The following PLPP1 variants were observed in gnomAD, a reference collection of about 807,000 sequenced individuals.
PLPP1 encodes lipid phosphate phosphohydrolase 1a.
A neutral mutation model predicts 31.2 loss-of-function variants in PLPP1; 24 were observed. The observed-to-expected ratio is 0.77, with a 90% CI of 0.56 to 1.08. The LOEUF is 1.08. Among genes scored for constraint, PLPP1 ranks in the 50% least tolerant of loss-of-function variants. The pLI, the probability that PLPP1 is intolerant of heterozygous loss-of-function variation, is 0.00. For synonymous variants in PLPP1, 146 were observed against 126.3 expected (o/e 1.16, Z -1.05); for missense variants, 319 against 342.7 (o/e 0.93, Z 0.55).
At chr5:55,521,174 G>T (rs112713610) in intron 1 of PLPP1, among the ~76,000 whole-genome samples, 13 of 152,122 alleles carry the variant, frequency 8.5e-5, no homozygotes, top group African/African-American at 3.1e-4. Context: ...CCAACATGGT[G>T]AAACTCTGTC....
At chr5:55,451,847 C>T (rs1459345163) in intron 3 of PLPP1, among the ~76,000 whole-genome samples, 1 of 152,168 alleles carries the variant, frequency 6.6e-6, no homozygotes, top group African/African-American at 2.4e-5. Flanking sequence ...AGGCATGAGC[C>T]ACTTACCCAA....
chr5:55,442,600 C>T (rs1019648371), intron 3 of PLPP1, among the ~76,000 whole-genome samples: 2 of 149,824 alleles, frequency 1.3e-5, no homozygotes, highest in African/African-American at 2.5e-5. Context: ...TGCAGTGGGC[C>T]GAGATCGCAC....
chr5:55,442,700 A>G (rs1379831634), intron 3 of PLPP1, among the ~76,000 whole-genome samples: 1 of 151,904 alleles, frequency 6.6e-6, no homozygotes, highest in Non-Finnish European at 1.5e-5. Context: ...CTTGCCTTAC[A>G]TTTCCCACCA....
intron 3 of PLPP1, among the ~76,000 whole-genome samples, chr5:55,450,233 A>C (rs1751863473): frequency 6.6e-6 from 1 of 152,196 alleles, no homozygotes. Context: ...CTCCACAGCC[A>C]CTAACATCTG....
chr5:55,474,689 A>C (rs924578647), intron 2 of PLPP1, among the ~76,000 whole-genome samples: 1 of 152,152 alleles, frequency 6.6e-6, no homozygotes, highest in Non-Finnish European at 1.5e-5. Context: ...ACTTAGCAAA[A>C]TTTTTCTTTT....
intron 1 of PLPP1, among the ~76,000 whole-genome samples, chr5:55,534,291 GCAAA>G (rs1446140752): frequency 6.6e-6 from 1 of 152,172 alleles, no homozygotes; most frequent in Non-Finnish European, 1.5e-5. Context: ...GAGTGGAACT[GCAAA>G]CAGAGGACAG....
At chr5:55,439,209 G>T (rs957837009) in intron 4 of PLPP1, among the ~76,000 whole-genome samples, 3 of 152,220 alleles carry the variant, frequency 2.0e-5, no homozygotes, top group East Asian at 3.9e-4. Flanking sequence ...ACCTAATTTG[G>T]TAAGTAAGCA....
intron 1 of PLPP1, among the ~76,000 whole-genome samples, chr5:55,521,227 C>G (rs1753658944): frequency 6.6e-6 from 1 of 152,078 alleles, no homozygotes; most frequent in South Asian, 2.1e-4. Flanking sequence ...GTGGCACATA[C>G]CTGTAATCCC....
intron 1 of PLPP1, among the ~76,000 whole-genome samples, chr5:55,527,119 G>A (rs1168561702): frequency 1.3e-5 from 2 of 152,016 alleles, no homozygotes; most frequent in African/African-American, 4.8e-5. Context: ...GAAAAGGGAA[G>A]GCACAAAATG....
Position 55,496,498 on chromosome 5 carries a change from T to C in PLPP1, c.59-21048A>G, listed in dbSNP as rs56924917. On this transcript the variant is annotated intron_variant, in intron 1 of 5. Coordinates refer to ENST00000307259, the MANE Select transcript of PLPP1 (RefSeq NM_003711.4). Reference sequence around the variant, plus strand: ...TCCTTCTCTTTGCACTTCAGGTCTATGGGGCAATATTCCCATCCTCTCTGT... The same window carrying C: ...TCCTTCTCTTTGCACTTCAGGTCTACGGGGCAATATTCCCATCCTCTCTGT... Among the ~76,000 whole-genome samples, 264 of 152,328 alleles carry C rather than the reference T, an allele frequency of 1.7e-3. 1 individual carries two copies. The highest frequency in any genetic ancestry group is 5.9e-3 in the African/African-American group (246 of 41,580).
intron 2 of PLPP1, among the ~76,000 whole-genome samples, chr5:55,472,658 G>GAT (rs1561236440): frequency 2.8e-5 from 1 of 35,786 alleles, no homozygotes; most frequent in East Asian, 4.0e-4. Flanking sequence ...AAGAAAGAAA[G>GAT]AGAGAGAGAG....
At chr5:55,464,547 T>C (rs1366891206) in intron 3 of PLPP1, among the ~76,000 whole-genome samples, 1 of 152,226 alleles carries the variant, frequency 6.6e-6, no homozygotes, top group African/African-American at 2.4e-5. Context: ...AGAACAGCTT[T>C]ATTTTTAATA....
intron 1 of PLPP1, among the ~76,000 whole-genome samples, chr5:55,510,096 C>T (rs1282870462): frequency 6.6e-6 from 1 of 152,112 alleles, no homozygotes. Flanking sequence ...GAAGCTATAA[C>T]TTAATAACTT....
chr5:55,463,846 T>A (rs189190217), intron 3 of PLPP1, among the ~76,000 whole-genome samples: 117 of 150,722 alleles, frequency 7.8e-4, no homozygotes, highest in African/African-American at 2.7e-3. Context: ...AGAAAATACA[T>A]AGCAAGCCAC....
intron 1 of PLPP1, among the ~76,000 whole-genome samples, chr5:55,499,098 C>G (rs1753064320): frequency 6.6e-6 from 1 of 152,300 alleles, no homozygotes; most frequent in South Asian, 2.1e-4. Flanking sequence ...AAAGGAGATG[C>G]TGAAGAGTAA....
intron 1 of PLPP1, among the ~76,000 whole-genome samples, chr5:55,524,850 T>C (rs1294689103): frequency 6.6e-6 from 1 of 152,202 alleles, no homozygotes; most frequent in Non-Finnish European, 1.5e-5. Flanking sequence ...CTCTACTTTT[T>C]TATAAGTGGA....
intron 4 of PLPP1, among the ~76,000 whole-genome samples, chr5:55,438,089 G>A (rs867569839): frequency 2.0e-5 from 3 of 152,124 alleles, no homozygotes; most frequent in Non-Finnish European, 4.4e-5. Flanking sequence ...CATAACAGGC[G>A]GTGATATAAA....
intron 1 of PLPP1, among the ~76,000 whole-genome samples, chr5:55,530,967 C>T (rs962840251): frequency 2.6e-5 from 4 of 151,196 alleles, no homozygotes; most frequent in Non-Finnish European, 5.9e-5. Flanking sequence ...ACGGTGACGG[C>T]CCGGGGCTCG....
In PLPP1 at chr5:55,438,125, A is replaced by T. The variant is rs111666976; in HGVS notation, c.549+3726T>A. Among the ~76,000 whole-genome samples, 772 of 152,280 alleles carry T rather than the reference A, an allele frequency of 5.1e-3. 3 individuals carry two copies. Among genetic ancestry groups the T allele is most frequent in the African/African-American group, 0.018 (744 of 41,548 alleles). On this transcript the variant is annotated intron_variant, in intron 4 of 5. Coordinates refer to ENST00000307259, the MANE Select transcript of PLPP1 (RefSeq NM_003711.4). ...CAATCTGGGGTTACAGCCTCAATAG[A>T]AGGGTCTCAGGAAAAGTATTTTAAC...
Sources: allele counts gnomAD v4.1 joint callset (sites outside exome capture counted in the v4.1 genomes callset), GRCh38; gene constraint gnomAD v4.1.1; transcripts MANE v1.5; gene names NCBI Gene and HGNC (gene_info 2026-07-23, HGNC 2026-07-21).